The following ARID1B variants were observed in gnomAD, a reference collection of about 807,000 sequenced individuals.
ARID1B encodes the protein AT-rich interactive domain-containing protein 1B.
ARID1B carries 30 observed loss-of-function variants against 212.3 expected under a neutral mutation model. The observed-to-expected ratio is 0.14, with a 90% CI of 0.11 to 0.19. The LOEUF (loss-of-function observed/expected upper bound fraction) is 0.19, where lower values mean the gene tolerates loss of function less well. ARID1B is among the 10% of genes least tolerant of loss of function. The pLI, the probability that ARID1B is intolerant of heterozygous loss-of-function variation, is 1.00. For synonymous variants in ARID1B, 1,402 were observed against 1,301.7 expected, an observed-to-expected ratio of 1.08 and a Z score of -1.66; for missense variants, 2,891 against 3,204.0, an observed-to-expected ratio of 0.90 and a Z score of 2.36.
At chr6:156,974,701 T>C (rs1394621471) in intron 4 of ARID1B, among the ~76,000 whole-genome samples, 1 of 152,220 alleles carries the variant, frequency 6.6e-6, no homozygotes, top group Non-Finnish European at 1.5e-5. Flanking sequence ...CATGGAACAA[T>C]AGAATTTATT....
chr6:157,126,115 T>C (rs1788120533), intron 6 of ARID1B, among the ~76,000 whole-genome samples: 1 of 152,180 alleles, frequency 6.6e-6, no homozygotes, highest in Non-Finnish European at 1.5e-5. Flanking sequence ...ATAGCTCAGA[T>C]AGAACCCCGC....
chr6:157,037,042 CTG>C (rs1285371766), intron 4 of ARID1B, among the ~76,000 whole-genome samples: 2 of 152,072 alleles, frequency 1.3e-5, no homozygotes, highest in Non-Finnish European at 1.5e-5. Flanking sequence ...TAAGATTAGA[CTG>C]TGGTAGTATT....
At chr6:157,072,955 G>A (rs1784080266) in intron 4 of ARID1B, among the ~76,000 whole-genome samples, 1 of 152,052 alleles carries the variant, frequency 6.6e-6, no homozygotes, top group Admixed American at 6.6e-5. Flanking sequence ...GGTGTGTAGT[G>A]TTTATATACT....
At chr6:157,180,269 A>G (rs751840732) in intron 11 of ARID1B, among the ~76,000 whole-genome samples, 1 of 152,168 alleles carries the variant, frequency 6.6e-6, no homozygotes, top group Non-Finnish European at 1.5e-5. Flanking sequence ...GAACTAGAGT[A>G]TCAATATAAA....
intron 1 of ARID1B, among the ~76,000 whole-genome samples, chr6:156,795,430 C>G (rs1287412760): frequency 6.6e-6 from 1 of 152,122 alleles, no homozygotes; most frequent in Non-Finnish European, 1.5e-5. Context: ...ATATAATATT[C>G]ATTATGTACC....
At chr6:156,915,097 T>C (rs1252667378) in intron 3 of ARID1B, among the ~76,000 whole-genome samples, 1 of 152,232 alleles carries the variant, frequency 6.6e-6, no homozygotes. Context: ...AAACATACTT[T>C]ACAGTGTTGA....
chr6:156,986,198 GGTTTT>G, intron 4 of ARID1B, among the ~76,000 whole-genome samples: 1 of 152,086 alleles, frequency 6.6e-6, no homozygotes, highest in East Asian at 1.9e-4. Flanking sequence ...CCTCAGGACT[GGTTTT>G]GTTAGTCACT....
intron 2 of ARID1B, among the ~76,000 whole-genome samples, chr6:156,872,374 TGCAATGGTGC>T (rs1427952475): frequency 6.6e-6 from 1 of 152,168 alleles, no homozygotes; most frequent in East Asian, 1.9e-4. Context: ...CAGGCTGGAG[TGCAATGGTGC>T]GATCTTGGCT....
At chr6:157,126,444 T>C (rs1788143198) in intron 6 of ARID1B, among the ~76,000 whole-genome samples, 1 of 152,064 alleles carries the variant, frequency 6.6e-6, no homozygotes. Flanking sequence ...GATTTTTTTT[T>C]CCCCTAAAGG....
At chr6:157,088,905 A>G (rs866432450) in intron 5 of ARID1B, among the ~76,000 whole-genome samples, 4 of 152,182 alleles carry the variant, frequency 2.6e-5, no homozygotes, top group Admixed American at 6.5e-5. Flanking sequence ...CTGTCGAGCT[A>G]TCTGTTAGGA....
chr6:157,139,690 T>A (rs1172770994), intron 7 of ARID1B, among the ~76,000 whole-genome samples: 2 of 151,202 alleles, frequency 1.3e-5, no homozygotes, highest in African/African-American at 2.4e-5. Context: ...ATATATATAT[T>A]AAACTATATA....
chr6:156,894,547 C>T (rs960677474), intron 2 of ARID1B, among the ~76,000 whole-genome samples: 1 of 152,146 alleles, frequency 6.6e-6, no homozygotes. Context: ...CATTCTTTTA[C>T]ACAGCAAAAT....
In ARID1B at chr6:157,148,780, G is replaced by T. The variant is rs771600870; in HGVS notation, c.2918G>T (p.Gly973Val). 4.3e-6 allele frequency: 7 copies of T among 1,613,078 alleles called. No individual in the cohort carries two copies. Among genetic ancestry groups the T allele is most frequent in the Admixed American group, 3.3e-5 (2 of 60,004 alleles). ...AVPLGRMPSA[G>V]MQNRPFPGNM... ...CCCCTGGGACGAATGCCATCAGCTG[G>T]GATGCAGAACAGACCATTTCCTGGA... The change falls in exon 8 of 20, where the codon GGG becomes GTG. Residue 973 changes from glycine (G) to valine (V), a missense_variant. Transcript: ENST00000636930. This position sits in a 1 kb window ranked among gnomAD's most constrained non-coding sequence, Gnocchi z 5.6.
In ARID1B at chr6:157,174,749, A is replaced by ATT. The variant is rs1562323722; in HGVS notation, c.3346-98_3346-97insTT. On this transcript the variant is annotated intron_variant, in intron 10 of 19. Coordinates refer to ENST00000636930, the MANE Select transcript of ARID1B (RefSeq NM_001374828.1). ...ATATATATATATATATAATATATAT[A>ATT]AAAAAATTAGTTTGTTAAAGTGGAT... is the stretch of plus-strand genomic sequence containing the variant. 105 of 438,846 alleles carry ATT rather than the reference A, an allele frequency of 2.4e-4. No homozygotes were observed. In the East Asian group the frequency reaches 4.8e-3, roughly 20 times the overall value. 27.2% of individuals were successfully genotyped at this position (438,846 alleles called of 1,614,324 possible). A position where few individuals can be genotyped will look rare whatever the true frequency, so the allele number is the denominator to read the frequency against.
chr6:156,902,828 T>C (rs1180708397), intron 3 of ARID1B, among the ~76,000 whole-genome samples: 2 of 152,046 alleles, frequency 1.3e-5, no homozygotes, highest in African/African-American at 2.4e-5. Context: ...GTCAAGTCTT[T>C]TATTAAAGTG....
intron 3 of ARID1B, among the ~76,000 whole-genome samples, chr6:156,931,707 A>G (rs1204439256): frequency 6.6e-6 from 1 of 152,118 alleles, no homozygotes; most frequent in African/African-American, 2.4e-5. Context: ...TCACGCCTGT[A>G]ATCCCATCAC....
intron 3 of ARID1B, among the ~76,000 whole-genome samples, chr6:156,924,885 C>T (rs1413584878): frequency 6.6e-6 from 1 of 152,094 alleles, no homozygotes; most frequent in Non-Finnish European, 1.5e-5. Context: ...TATTAAAATA[C>T]ATTCATTATT....
At chr6:157,085,321 T>C (rs945406201) in intron 5 of ARID1B, among the ~76,000 whole-genome samples, 7 of 152,212 alleles carry the variant, frequency 4.6e-5, no homozygotes, top group African/African-American at 1.4e-4. Context: ...TTCTAAAACA[T>C]TTCTACAGTC....
At chr6:157,118,488 A>T (rs886552207) in intron 6 of ARID1B, among the ~76,000 whole-genome samples, 3 of 152,248 alleles carry the variant, frequency 2.0e-5, no homozygotes, top group Non-Finnish European at 4.4e-5. Flanking sequence ...CCCCAGATGC[A>T]ATTAACTTAG....
Sources: gnomAD v4.1 joint callset for allele counts (sites outside exome capture counted in the v4.1 genomes callset) on GRCh38, gnomAD v4.1.1 for gene constraint, Gnocchi (gnomAD v3.1) non-coding constraint, MANE v1.5 for transcripts, NCBI Gene and HGNC (gene_info 2026-07-23, HGNC 2026-07-21) for gene names.